The following SPAG16 variants were observed in gnomAD, a reference collection of about 807,000 sequenced individuals.
SPAG16 encodes the protein sperm-associated antigen 16 protein.
SPAG16 carries 86 observed loss-of-function variants against 80.4 expected under a neutral mutation model. The observed-to-expected ratio is 1.07, with a 90% CI of 0.90 to 1.28. The LOEUF (loss-of-function observed/expected upper bound fraction) is 1.28, where lower values mean the gene tolerates loss of function less well. Among genes scored for constraint, SPAG16 ranks in the 50% most tolerant of loss-of-function variants. The pLI, the probability that SPAG16 is intolerant of heterozygous loss-of-function variation, is 0.00. For missense variants in SPAG16, 870 were observed against 765.3 expected, an observed-to-expected ratio of 1.14 and a Z score of -1.61; for synonymous variants, 294 against 265.9, an observed-to-expected ratio of 1.11 and a Z score of -1.03.
intron 10 of SPAG16, among the ~76,000 whole-genome samples, chr2:213,796,613 T>C (rs2071047349): frequency 6.6e-6 from 1 of 152,186 alleles, no homozygotes; most frequent in African/African-American, 2.4e-5. Flanking sequence ...CATTGCTTAG[T>C]GATGTCATAG....
At chr2:213,574,650 C>CATATATATGATATATGTT (rs2060051842) in intron 10 of SPAG16, among the ~76,000 whole-genome samples, 1 of 143,482 alleles carries the variant, frequency 7.0e-6, no homozygotes, top group East Asian at 2.1e-4. Flanking sequence ...AGATATATAT[C>CATATATATGATATATGTT]ATATATATGA....
At chr2:213,557,920 A>T (rs2888234) in intron 10 of SPAG16, among the ~76,000 whole-genome samples, 2 of 152,198 alleles carry the variant, frequency 1.3e-5, no homozygotes, top group Admixed American at 6.6e-5. Flanking sequence ...GGGATTTTTT[A>T]AAAAACAAGG....
chr2:213,887,869 T>G (rs977302643), intron 11 of SPAG16, among the ~76,000 whole-genome samples: 2 of 151,876 alleles, frequency 1.3e-5, no homozygotes, highest in African/African-American at 2.4e-5. Context: ...TCTTTTCCAC[T>G]TTTTCTATTT....
At chr2:213,523,357 C>T (rs932608078) in intron 10 of SPAG16, among the ~76,000 whole-genome samples, 1 of 152,168 alleles carries the variant, frequency 6.6e-6, no homozygotes, top group East Asian at 1.9e-4. Context: ...TTAATCAAAC[C>T]TCATTCTTTT....
intron 12 of SPAG16, among the ~76,000 whole-genome samples, chr2:213,952,611 G>A (rs985395334): frequency 6.6e-6 from 1 of 151,998 alleles, no homozygotes; most frequent in African/African-American, 2.4e-5. Context: ...GAAAGAGTCA[G>A]AACTAAATTA....
At chr2:214,372,944 T>C (rs140287841) in intron 15 of SPAG16, among the ~76,000 whole-genome samples, 214 of 152,302 alleles carry the variant, frequency 1.4e-3, no homozygotes, top group African/African-American at 4.8e-3. Context: ...CAAATGGGGC[T>C]ACCTGCATTT....
chr2:213,719,420 T>G (rs1265439114), intron 10 of SPAG16, among the ~76,000 whole-genome samples: 1 of 152,198 alleles, frequency 6.6e-6, no homozygotes, highest in African/African-American at 2.4e-5. Flanking sequence ...GGAGAACCTG[T>G]GTGTCGAATC....
At chr2:213,591,259 A>G (rs1274467412) in intron 10 of SPAG16, among the ~76,000 whole-genome samples, 1 of 152,202 alleles carries the variant, frequency 6.6e-6, no homozygotes, top group Non-Finnish European at 1.5e-5. Context: ...AGGGAAGATC[A>G]CCTAATTCTG....
At position 213,753,258 on chromosome 2, in the gene SPAG16, T is replaced by C. The variant is rs565416334; in HGVS notation, c.1071-109227T>C. Among the ~76,000 whole-genome samples the C allele has an allele frequency of 1.5e-4, 23 of 152,310 alleles. No individual in the cohort carries two copies. In the South Asian group the frequency reaches 4.6e-3, roughly 30 times the overall value. On this transcript the variant is annotated intron_variant, in intron 10 of 15. Coordinates refer to ENST00000331683, the MANE Select transcript of SPAG16 (RefSeq NM_024532.5). ...TGATTTCCTGACCTCGTGATCCGCC[T>C]GCCTCGGCCTCCCAAAGTGCTGGGA...
intron 11 of SPAG16, among the ~76,000 whole-genome samples, chr2:213,911,303 C>G (rs190963176): frequency 1.3e-5 from 2 of 152,178 alleles, no homozygotes; most frequent in East Asian, 3.9e-4. Flanking sequence ...CACCACTTCA[C>G]TAGGCTAATT....
At chr2:214,289,130 A>T (rs943112580) in intron 15 of SPAG16, among the ~76,000 whole-genome samples, 1 of 152,058 alleles carries the variant, frequency 6.6e-6, no homozygotes. Context: ...TTTCTTGTAT[A>T]TTTCAGATAT....
chr2:213,667,766 T>A (rs1394006784), intron 10 of SPAG16, among the ~76,000 whole-genome samples: 1 of 152,212 alleles, frequency 6.6e-6, no homozygotes, highest in African/African-American at 2.4e-5. Flanking sequence ...GCAAGTCATA[T>A]CTCACATACA....
chr2:214,149,294 G>T (rs753973712), intron 15 of SPAG16, 28 bp downstream of exon 15: 18 of 1,500,500 alleles, frequency 1.2e-5, no homozygotes, highest in Non-Finnish European at 1.3e-5. Context: ...TAATGTTTCT[G>T]ACTAAGCCAA....
intron 9 of SPAG16, among the ~76,000 whole-genome samples, chr2:213,425,670 A>AAAG (rs2069870732): frequency 6.7e-6 from 1 of 149,842 alleles, no homozygotes; most frequent in African/African-American, 2.5e-5. Flanking sequence ...AAAAAAAAAA[A>AAAG]GGTGTGCAAA....
chr2:214,004,330 TA>T (rs2046930490), intron 12 of SPAG16, among the ~76,000 whole-genome samples: 2 of 152,090 alleles, frequency 1.3e-5, no homozygotes, highest in Admixed American at 6.6e-5. Context: ...AGGGACTCAG[TA>T]GAGTCAGGGT....
chr2:214,164,558 T>C (rs2056573814), intron 15 of SPAG16, among the ~76,000 whole-genome samples: 1 of 152,118 alleles, frequency 6.6e-6, no homozygotes, highest in Non-Finnish European at 1.5e-5. Flanking sequence ...CAAGGGCAGA[T>C]TATGGATGGT....
At chr2:213,991,284 A>G (rs912917897) in intron 12 of SPAG16, among the ~76,000 whole-genome samples, 2 of 152,136 alleles carry the variant, frequency 1.3e-5, no homozygotes, top group Non-Finnish European at 2.9e-5. Context: ...TACTTTGTTA[A>G]AAATGATGGT....
chr2:214,298,131 C>CAT (rs1553548658), intron 15 of SPAG16, among the ~76,000 whole-genome samples: 117,254 of 144,368 alleles, frequency 0.81, 47,897 homozygotes, highest in South Asian at 0.84. Flanking sequence ...CACACACACA[C>CAT]ACATACACAT....
intron 10 of SPAG16, among the ~76,000 whole-genome samples, chr2:213,520,088 G>GAC (rs775990665): frequency 6.9e-6 from 1 of 144,594 alleles, no homozygotes; most frequent in Non-Finnish European, 1.6e-5. Context: ...GCAAGAGCAA[G>GAC]AGAGAGAGAG....
Sources: allele counts gnomAD v4.1 joint callset (sites outside exome capture counted in the v4.1 genomes callset), GRCh38; gene constraint gnomAD v4.1.1; transcripts MANE v1.5; gene names NCBI Gene and HGNC (gene_info 2026-07-23, HGNC 2026-07-21).